SCTR: variants seen among roughly 807,000 people sequenced by gnomAD.
SCTR encodes the protein pancreatic secretin receptor.
A neutral mutation model predicts 60.8 loss-of-function variants in SCTR; 56 were observed. The ratio of observed to expected loss-of-function variants is 0.92; its 90% CI spans 0.74 to 1.15. The LOEUF (loss-of-function observed/expected upper bound fraction) is 1.15, where lower values mean the gene tolerates loss of function less well. Ranked by LOEUF, SCTR falls within the 50% of genes most tolerant of loss-of-function variation. The pLI, the probability that SCTR is intolerant of heterozygous loss-of-function variation, is 0.00. For missense variants in SCTR, 562 were observed against 550.4 expected, an observed-to-expected ratio of 1.02 and a Z score of -0.21; for synonymous variants, 202 against 217.0, an observed-to-expected ratio of 0.93 and a Z score of 0.61.
chr2:119,463,549 G>A (rs1420524465), intron 6 of SCTR, among the ~76,000 whole-genome samples: 1 of 152,094 alleles, frequency 6.6e-6, no homozygotes, highest in African/African-American at 2.4e-5. Context: ...TGCTTACGTA[G>A]GAAACAGCCC....
chr2:119,449,225 A>G (rs1361941675), intron 9 of SCTR, among the ~76,000 whole-genome samples: 1 of 152,180 alleles, frequency 6.6e-6, no homozygotes, highest in Non-Finnish European at 1.5e-5. Flanking sequence ...CCCACAGGTT[A>G]TGGTTCAGTA....
chr2:119,458,582 C>T (rs1165063096), intron 7 of SCTR, among the ~76,000 whole-genome samples: 2 of 147,424 alleles, frequency 1.4e-5, no homozygotes, highest in African/African-American at 5.2e-5. Context: ...GCCTGGGCAA[C>T]AGGGCAAGAC....
intron 3 of SCTR, 52 bp downstream of exon 3, chr2:119,478,759 C>A (rs1004009568): frequency 1.8e-5 from 29 of 1,585,970 alleles, no homozygotes; most frequent in Middle Eastern, 1.7e-4. Context: ...AGGCCCCACC[C>A]AGAGGGACAC....
In SCTR at chr2:119,510,129, TC is replaced by T. The variant is rs1573923032; in HGVS notation, c.72+14025del. Among the ~76,000 whole-genome samples, 4 of 150,336 alleles carry T rather than the reference TC, an allele frequency of 2.7e-5. No homozygotes were observed. In the East Asian group the frequency reaches 7.8e-4, roughly 29 times the overall value. On this transcript the variant is annotated intron_variant, in intron 1 of 12. Transcript: ENST00000019103. The stretch of plus-strand genomic sequence containing the variant: ...AGGAATTTCTCCTTAATGCTATCCC[TC>T]CCCCAGCCCCCTACCCCCTGACAGG...
At chr2:119,457,970 A>C (rs1683438694) in intron 7 of SCTR, among the ~76,000 whole-genome samples, 1 of 152,218 alleles carries the variant, frequency 6.6e-6, no homozygotes, top group Non-Finnish European at 1.5e-5. Context: ...AACCAAGTAC[A>C]TGAATGACTT....
intron 9 of SCTR, among the ~76,000 whole-genome samples, chr2:119,451,554 A>G (rs1160600371): frequency 6.6e-6 from 1 of 152,176 alleles, no homozygotes; most frequent in African/African-American, 2.4e-5. Context: ...GCAGCACTGC[A>G]AAGTCCCAAG....
At chr2:119,514,961 G>C (rs1315200904) in intron 1 of SCTR, among the ~76,000 whole-genome samples, 2 of 152,124 alleles carry the variant, frequency 1.3e-5, no homozygotes, top group Non-Finnish European at 2.9e-5. Context: ...CTAACAACCA[G>C]AGACTGGAAA....
At chr2:119,510,849 A>G (rs1237606799) in intron 1 of SCTR, among the ~76,000 whole-genome samples, 4 of 152,086 alleles carry the variant, frequency 2.6e-5, no homozygotes, top group Non-Finnish European at 5.9e-5. Context: ...CTCTCCAGGC[A>G]ACCATTTTCA....
intron 11 of SCTR, among the ~76,000 whole-genome samples, chr2:119,443,348 C>T (rs1262735645): frequency 2.0e-5 from 3 of 152,198 alleles, no homozygotes; most frequent in Non-Finnish European, 2.9e-5. Context: ...CCATACACAT[C>T]ATGATCCCAA....
chr2:119,461,538 C>T lies in SCTR; in HGVS notation c.790+309G>A, dbSNP rs189409603. 1.8e-3 allele frequency among the ~76,000 whole-genome samples: 271 copies of T among 152,232 alleles called. 1 individual carries two copies. Among genetic ancestry groups the T allele is most frequent in the Middle Eastern group, 6.8e-3 (2 of 294 alleles). On this transcript the variant is annotated intron_variant, in intron 7 of 12. Transcript: ENST00000019103. ...ACTAGTCTGACCAACAGGGCGAAAC[C>T]CTGTCTCTACTAAAAATACAAAATT...
chr2:119,452,657 C>T (rs1473547214), intron 8 of SCTR, among the ~76,000 whole-genome samples: 2 of 152,158 alleles, frequency 1.3e-5, no homozygotes, highest in Non-Finnish European at 1.5e-5. Flanking sequence ...GCAATTATTT[C>T]GGGCTAAATT....
chr2:119,508,773 A>G (rs778998914), intron 1 of SCTR, among the ~76,000 whole-genome samples: 1 of 152,208 alleles, frequency 6.6e-6, no homozygotes, highest in Non-Finnish European at 1.5e-5. Context: ...CACTGTAGAA[A>G]GGCTCTTATT....
rs552833541 is a variant in SCTR, at chr2:119,524,145, C to T, written c.72+10G>A. The stretch of plus-strand genomic sequence containing the variant: ...CGGGTCCCCAGCCTGCAGAAGGGCG[C>T]AGTACTCACCGAGTGCGCGGCGCAG... On this transcript the variant is annotated intron_variant, in intron 1 of 12. Transcript: ENST00000019103. The T allele has an allele frequency of 1.9e-4, 300 of 1,540,772 alleles. No homozygotes were observed. The African/African-American group carries it at 3.3e-3, about 17-fold the overall frequency.
chr2:119,462,109 A>G, intron 6 of SCTR, 109 bp from the exon 7 acceptor site: 1 of 1,084,328 alleles, frequency 9.2e-7, no homozygotes, highest in South Asian at 1.8e-5. Flanking sequence ...GCCAGGCCAC[A>G]AGAGCGGGCC....
At chr2:119,476,199 G>A (rs1325684017) in intron 3 of SCTR, among the ~76,000 whole-genome samples, 1 of 152,162 alleles carries the variant, frequency 6.6e-6, no homozygotes, top group Non-Finnish European at 1.5e-5. Context: ...AGATGAAGGG[G>A]CAGGAGTCTA....
intron 6 of SCTR, among the ~76,000 whole-genome samples, chr2:119,462,581 A>G (rs1218458772): frequency 6.6e-6 from 1 of 152,198 alleles, no homozygotes; most frequent in Non-Finnish European, 1.5e-5. Flanking sequence ...CTCTTTTAAC[A>G]GGCATGTCCC....
intron 1 of SCTR, among the ~76,000 whole-genome samples, chr2:119,510,139 C>A (rs1303194301): frequency 6.6e-6 from 1 of 151,256 alleles, no homozygotes; most frequent in African/African-American, 2.4e-5. Context: ...TCCCCCAGCC[C>A]CCTACCCCCT....
chr2:119,476,116 T>C (rs985957637), intron 3 of SCTR, among the ~76,000 whole-genome samples: 1 of 152,138 alleles, frequency 6.6e-6, no homozygotes, highest in Non-Finnish European at 1.5e-5. Context: ...CCAGAGCACC[T>C]TGTCCTCACT....
intron 1 of SCTR, among the ~76,000 whole-genome samples, chr2:119,512,191 T>C (rs1299299890): frequency 1.3e-5 from 2 of 152,202 alleles, no homozygotes; most frequent in Non-Finnish European, 2.9e-5. Context: ...ATCTTTATGC[T>C]GTCTCTCTGG....
Sources: allele counts gnomAD v4.1 joint callset (sites outside exome capture counted in the v4.1 genomes callset), GRCh38; gene constraint gnomAD v4.1.1; transcripts MANE v1.5; gene names NCBI Gene and HGNC (gene_info 2026-07-23, HGNC 2026-07-21).